The following LYPLAL1 variants were observed in gnomAD, a reference collection of about 807,000 sequenced individuals.
LYPLAL1 encodes the protein lysophospholipase-like protein 1.
A neutral mutation model predicts 19.7 loss-of-function variants in LYPLAL1; 23 were observed. The observed-to-expected ratio is 1.17, with a 90% confidence interval of 0.84 to 1.65. The LOEUF is 1.65. LYPLAL1 is among the 40% of genes most tolerant of loss of function. LYPLAL1 has a pLI of 0.00. For missense variants in LYPLAL1, 355 were observed against 279.4 expected (o/e 1.27, Z -1.93); for synonymous variants, 119 against 96.3 (o/e 1.24, Z -1.38).
At chr1:219,439,953 A>C in the LYPLAL1 span, among the ~76,000 whole-genome samples, 1 of 144,716 alleles carries the variant, frequency 6.9e-6, no homozygotes, top group African/African-American at 2.6e-5. Flanking sequence ...AAGAAGACAA[A>C]ACTGACTATA....
chr1:219,351,464 C>A, the LYPLAL1 span, among the ~76,000 whole-genome samples: 1 of 152,070 alleles, frequency 6.6e-6, no homozygotes, highest in Non-Finnish European at 1.5e-5. Flanking sequence ...TGAGGATCAT[C>A]CAATTACCTG....
At chr1:219,438,417 A>G in the LYPLAL1 span, among the ~76,000 whole-genome samples, 1 of 152,188 alleles carries the variant, frequency 6.6e-6, no homozygotes, top group Non-Finnish European at 1.5e-5. Flanking sequence ...GAGGTCTATA[A>G]AATATTTTGC....
chr1:219,256,293 A>G, the LYPLAL1 span, among the ~76,000 whole-genome samples: 2 of 151,934 alleles, frequency 1.3e-5, no homozygotes. Flanking sequence ...TGTGGTTTTC[A>G]AGAAATGTGT....
In LYPLAL1 at chr1:219,197,017, A is replaced by T. The variant is rs558115541; in HGVS notation, c.361+3766A>T. ...ACAAATGGAGAAACATTCTATGCTC[A>T]TGGATAGGAAGAATCAATATCATGA... On this transcript the variant is annotated intron_variant, in intron 3 of 4. Transcript: ENST00000366928. Among the ~76,000 whole-genome samples, 103 of 152,358 alleles carry T rather than the reference A, an allele frequency of 6.8e-4. 3 individuals are homozygous for T. In the South Asian group the frequency reaches 0.021, roughly 30 times the overall value.
the LYPLAL1 span, among the ~76,000 whole-genome samples, chr1:219,328,250 C>A: frequency 7.2e-5 from 11 of 152,204 alleles, no homozygotes; most frequent in African/African-American, 2.4e-4. Flanking sequence ...CTCACTCATG[C>A]ACATCTCTCT....
intron 3 of LYPLAL1, among the ~76,000 whole-genome samples, chr1:219,203,881 A>G (rs1329946136): frequency 2.6e-5 from 4 of 152,220 alleles, no homozygotes; most frequent in Non-Finnish European, 4.4e-5. Context: ...CTGACACACT[A>G]TTTTAAGACT....
chr1:219,355,084 T>C, the LYPLAL1 span, among the ~76,000 whole-genome samples: 5 of 152,322 alleles, frequency 3.3e-5, no homozygotes, highest in African/African-American at 1.2e-4. Flanking sequence ...CTGTGAGCCA[T>C]AGAGCAGAGC....
the LYPLAL1 span, among the ~76,000 whole-genome samples, chr1:219,440,026 T>TAC: frequency 7.1e-6 from 1 of 141,688 alleles, no homozygotes; most frequent in African/African-American, 2.7e-5. Context: ...CACACACACA[T>TAC]ATATATATAT....
the LYPLAL1 span, among the ~76,000 whole-genome samples, chr1:219,274,809 A>G: frequency 3.3e-5 from 5 of 152,196 alleles, no homozygotes; most frequent in South Asian, 8.3e-4. Flanking sequence ...TTTTCCTGAC[A>G]TTATCACATG....
chr1:219,402,969 G>A, the LYPLAL1 span, among the ~76,000 whole-genome samples: 1 of 152,142 alleles, frequency 6.6e-6, no homozygotes, highest in Non-Finnish European at 1.5e-5. Context: ...CTCACACTGT[G>A]CTTATATTTG....
chr1:219,370,886 A>C, the LYPLAL1 span, among the ~76,000 whole-genome samples: 5 of 152,256 alleles, frequency 3.3e-5, no homozygotes, highest in South Asian at 1.0e-3. Context: ...ATAGAGCACC[A>C]ATAAAGGAGA....
At chr1:219,372,640 C>T in the LYPLAL1 span, among the ~76,000 whole-genome samples, 52 of 152,284 alleles carry the variant, frequency 3.4e-4, no homozygotes, top group Admixed American at 3.4e-3. Flanking sequence ...TGGCTCACAC[C>T]TGTAATCCCG....
chr1:219,201,499 A>C (rs1658094340), intron 3 of LYPLAL1, among the ~76,000 whole-genome samples: 1 of 151,956 alleles, frequency 6.6e-6, no homozygotes, highest in African/African-American at 2.4e-5. Flanking sequence ...TTTTGGGTTT[A>C]TGAGAATAAA....
At chr1:219,301,987 G>A in the LYPLAL1 span, among the ~76,000 whole-genome samples, 1 of 152,068 alleles carries the variant, frequency 6.6e-6, no homozygotes, top group Non-Finnish European at 1.5e-5. Flanking sequence ...ATGAAAAAGA[G>A]AGAGAGAGAG....
chr1:219,380,060 G>T, the LYPLAL1 span, among the ~76,000 whole-genome samples: 1 of 152,164 alleles, frequency 6.6e-6, no homozygotes. Flanking sequence ...CAAAAATATT[G>T]TCTACCATAC....
In LYPLAL1 at chr1:219,210,052, T is replaced by A. The variant is rs567730891; in HGVS notation, c.362-480T>A. 3.9e-5 allele frequency among the ~76,000 whole-genome samples: 6 copies of A among 152,292 alleles called. 1 individual carries two copies. In the South Asian group the frequency reaches 1.2e-3, roughly 32 times the overall value. ...GTTAACTAGCTCCTCAAATTTTTTTTATCATTCTTAATTCAGAATTCACTA... is the reference window on the plus strand; with the variant it reads ...GTTAACTAGCTCCTCAAATTTTTTTAATCATTCTTAATTCAGAATTCACTA... On this transcript the variant is annotated intron_variant, in intron 3 of 4. Coordinates refer to ENST00000366928, the MANE Select transcript of LYPLAL1 (RefSeq NM_138794.5).
At chr1:219,337,977 G>A in the LYPLAL1 span, among the ~76,000 whole-genome samples, 1 of 151,942 alleles carries the variant, frequency 6.6e-6, no homozygotes, top group Non-Finnish European at 1.5e-5. Context: ...TACTTGCTGT[G>A]GGCATTTGTA....
At chr1:219,353,109 A>C in the LYPLAL1 span, among the ~76,000 whole-genome samples, 1 of 152,200 alleles carries the variant, frequency 6.6e-6, no homozygotes, top group Non-Finnish European at 1.5e-5. Context: ...GAGAAGTGAA[A>C]CCGAGGATGT....
the LYPLAL1 span, among the ~76,000 whole-genome samples, chr1:219,394,899 C>T: frequency 3.3e-5 from 5 of 152,112 alleles, no homozygotes; most frequent in East Asian, 1.9e-4. Flanking sequence ...TTTCTGTTCC[C>T]GCATTAGTTT....
Sources: gnomAD v4.1 joint callset for allele counts (sites outside exome capture counted in the v4.1 genomes callset) on GRCh38, gnomAD v4.1.1 for gene constraint, MANE v1.5 for transcripts, NCBI Gene and HGNC (gene_info 2026-07-23, HGNC 2026-07-21) for gene names.